Variants in HCN1 observed in about 807,000 individuals in gnomAD.
HCN1 encodes potassium/sodium hyperpolarization-activated cyclic nucleotide-gated channel 1.
In HCN1, 13 loss-of-function variants were observed where a neutral mutation model predicts 78.9. That is an observed-to-expected ratio of 0.16 (90% confidence interval 0.11 to 0.26). The LOEUF (loss-of-function observed/expected upper bound fraction) is 0.26, where lower values mean the gene tolerates loss of function less well. Ranked by LOEUF, HCN1 falls within the 10% of genes least tolerant of loss-of-function variation. HCN1 has a pLI of 1.00. For missense variants in HCN1, 810 were observed against 1,154.3 expected (o/e 0.70, Z 4.32); for synonymous variants, 552 against 455.5 (o/e 1.21, Z -2.70).
At chr5:45,432,948 A>G (rs750032129) in intron 3 of HCN1, among the ~76,000 whole-genome samples, 1 of 152,126 alleles carries the variant, frequency 6.6e-6, no homozygotes, top group Non-Finnish European at 1.5e-5. Context: ...TATGTCTTAC[A>G]TGGAGGCAGG....
In HCN1 at chr5:45,657,702, T is replaced by C. The variant is rs960312163; in HGVS notation, c.426-12094A>G. Among the ~76,000 whole-genome samples, 5 of 152,122 alleles carry C rather than the reference T, an allele frequency of 3.3e-5. No individual in the cohort carries two copies. In the South Asian group the frequency reaches 6.2e-4, roughly 19 times the overall value. On this transcript the variant is annotated intron_variant, in intron 1 of 7. Transcript: ENST00000303230. Reference sequence around the variant, plus strand: ...TTACAAGGGATGTGAAGGACCTCTTTAAGGAGAACTACAAACCACTGCTCA... The same window carrying C: ...TTACAAGGGATGTGAAGGACCTCTTCAAGGAGAACTACAAACCACTGCTCA...
chr5:45,587,223 C>A (rs1744248986), intron 2 of HCN1, among the ~76,000 whole-genome samples: 1 of 152,176 alleles, frequency 6.6e-6, no homozygotes, highest in African/African-American at 2.4e-5. Context: ...GATTATAAAT[C>A]ATGCTGCCAT....
intron 2 of HCN1, among the ~76,000 whole-genome samples, chr5:45,466,546 C>A (rs1342264896): frequency 6.6e-6 from 1 of 151,950 alleles, no homozygotes; most frequent in Non-Finnish European, 1.5e-5. Flanking sequence ...AGGTTAGATT[C>A]TTCTGTTTCT....
chr5:45,392,868 G>A (rs1177238437), intron 4 of HCN1, among the ~76,000 whole-genome samples: 1 of 151,688 alleles, frequency 6.6e-6, no homozygotes, highest in East Asian at 1.9e-4. Flanking sequence ...GAGAAGTTTA[G>A]CGTTTTTATT....
intron 5 of HCN1, among the ~76,000 whole-genome samples, chr5:45,311,629 CATGGAGG>C (rs1745853366): frequency 1.3e-5 from 2 of 152,148 alleles, no homozygotes; most frequent in African/African-American, 4.8e-5. Context: ...TGTTATGATC[CATGGAGG>C]ATATGTTGCC....
rs1013552823 is a variant in HCN1, at chr5:45,390,913, A to G, written c.1230+5579T>C. Among the ~76,000 whole-genome samples the G allele has an allele frequency of 3.3e-5, 5 of 152,260 alleles. 1 individual carries two copies. Among genetic ancestry groups the G allele is most frequent in the Non-Finnish European group, 2.9e-5 (2 of 68,008 alleles). ...TGCTAGCAACTCCAATGGCTACATT[A>G]AGTTATTCCAAGCATTGTCACACTG... On this transcript the variant is annotated intron_variant, in intron 4 of 7. Coordinates refer to ENST00000303230, the MANE Select transcript of HCN1 (RefSeq NM_021072.4).
chr5:45,582,630 C>A (rs1744105633), intron 2 of HCN1, among the ~76,000 whole-genome samples: 1 of 152,106 alleles, frequency 6.6e-6, no homozygotes, highest in Admixed American at 6.6e-5. Context: ...CAGTTTTTGC[C>A]CATTTAGTAT....
intron 3 of HCN1, among the ~76,000 whole-genome samples, chr5:45,419,663 G>C (rs906236357): frequency 2.6e-5 from 4 of 152,152 alleles, no homozygotes; most frequent in Non-Finnish European, 4.4e-5. Flanking sequence ...AACCCTGAAA[G>C]AAGATCAGAC....
intron 2 of HCN1, among the ~76,000 whole-genome samples, chr5:45,567,067 T>C (rs1374181339): frequency 6.6e-6 from 1 of 152,148 alleles, no homozygotes; most frequent in Non-Finnish European, 1.5e-5. Flanking sequence ...TTGTTGTCAA[T>C]ACATAGGGGA....
chr5:45,366,615 A>G (rs1232359712), intron 4 of HCN1, among the ~76,000 whole-genome samples: 2 of 151,782 alleles, frequency 1.3e-5, no homozygotes, highest in Non-Finnish European at 3.0e-5. Context: ...TAGCTTTCCA[A>G]ATTTAAAGCA....
Position 45,596,627 on chromosome 5 carries a change from C to T in HCN1, c.849+48558G>A, listed in dbSNP as rs193228710. ...GATTGTCTAGGTGAAGCTATAATTTCTCCCTGTCAAATTGCCACTTAGTTA... is the reference window on the plus strand; with the variant it reads ...GATTGTCTAGGTGAAGCTATAATTTTTCCCTGTCAAATTGCCACTTAGTTA... On this transcript the variant is annotated intron_variant, in intron 2 of 7. Coordinates refer to ENST00000303230, the MANE Select transcript of HCN1 (RefSeq NM_021072.4). Among the ~76,000 whole-genome samples, 18 of 152,296 alleles carry T rather than the reference C, an allele frequency of 1.2e-4. No individual in the cohort carries two copies. In the East Asian group the frequency reaches 3.5e-3, roughly 29 times the overall value.
intron 2 of HCN1, among the ~76,000 whole-genome samples, chr5:45,550,903 C>T (rs1743354252): frequency 6.6e-6 from 1 of 151,770 alleles, no homozygotes. Context: ...TCTAGGAAAC[C>T]ATTCATAAAA....
rs1747175628 is a variant in HCN1, at chr5:45,363,846, C to T, written c.1231-10600G>A. Among the ~76,000 whole-genome samples the T allele has an allele frequency of 2.6e-5, 4 of 152,018 alleles. No homozygotes were observed. In the South Asian group the frequency reaches 8.3e-4, roughly 31 times the overall value. On this transcript the variant is annotated intron_variant, in intron 4 of 7. Transcript: ENST00000303230. ...TGCCATGATTCTGAAGCCTTCTCAGCCATGTGGAACTGTAAGTCCAATTAA... is the reference window on the plus strand; with the variant it reads ...TGCCATGATTCTGAAGCCTTCTCAGTCATGTGGAACTGTAAGTCCAATTAA...
chr5:45,674,968 A>T (rs981128639), intron 1 of HCN1, among the ~76,000 whole-genome samples: 1 of 151,774 alleles, frequency 6.6e-6, no homozygotes, highest in South Asian at 2.1e-4. Context: ...ATGCATATAT[A>T]AGTACTTACT....
At chr5:45,280,069 C>T (rs1397185249) in intron 6 of HCN1, among the ~76,000 whole-genome samples, 1 of 151,972 alleles carries the variant, frequency 6.6e-6, no homozygotes, top group Non-Finnish European at 1.5e-5. Flanking sequence ...GAAAATTCTA[C>T]TCATGTATTT....
At chr5:45,288,364 G>T (rs889451708) in intron 6 of HCN1, among the ~76,000 whole-genome samples, 3 of 151,932 alleles carry the variant, frequency 2.0e-5, no homozygotes, top group Non-Finnish European at 4.4e-5. Context: ...AACTAGAATA[G>T]GCAAGAAGAC....
rs532601526 is a variant in HCN1 at position 45,530,811 on chromosome 5, AG to A, written c.850-68805del. On this transcript the variant is annotated intron_variant, in intron 2 of 7. Coordinates refer to ENST00000303230, the MANE Select transcript of HCN1 (RefSeq NM_021072.4). ...TCTATTATTAACATAACCATTTGAC[AG>A]GTAACATAAATGATAGAATGGACAA... Among the ~76,000 whole-genome samples the A allele has an allele frequency of 1.2e-4, 19 of 152,278 alleles. No homozygotes were observed. The South Asian group carries it at 3.9e-3, about 32-fold the overall frequency.
chr5:45,283,898 C>T (rs114499790), intron 6 of HCN1, among the ~76,000 whole-genome samples: 3,047 of 152,210 alleles, frequency 0.02, 102 homozygotes, highest in African/African-American at 0.07. Flanking sequence ...ACTTAAATGC[C>T]TATCAATGAC....
chr5:45,363,513 C>T (rs1747167252), intron 4 of HCN1, among the ~76,000 whole-genome samples: 1 of 151,826 alleles, frequency 6.6e-6, no homozygotes, highest in South Asian at 2.1e-4. Flanking sequence ...TAGGACTAAG[C>T]CCCAATTGTC....
Sources: gnomAD v4.1 joint callset for allele counts (sites outside exome capture counted in the v4.1 genomes callset) on GRCh38, gnomAD v4.1.1 for gene constraint, MANE v1.5 for transcripts, NCBI Gene and HGNC (gene_info 2026-07-23, HGNC 2026-07-21) for gene names.